ZC3H11C: variants seen among roughly 807,000 people sequenced by gnomAD.
ZC3H11C encodes zinc finger CCCH domain-containing protein 11C.
At chr6:65,306,360 C>T in the ZC3H11C span, among the ~76,000 whole-genome samples, 1 of 152,180 alleles carries the variant, frequency 6.6e-6, no homozygotes, top group Non-Finnish European at 1.5e-5. Flanking sequence ...GCAAAAATGA[C>T]TTGAAATTTA....
the ZC3H11C span, among the ~76,000 whole-genome samples, chr6:65,305,627 C>T: frequency 6.6e-6 from 1 of 152,234 alleles, no homozygotes; most frequent in South Asian, 2.1e-4. Flanking sequence ...TTTAAAGTGC[C>T]TCAGGGGTCC....
chr6:65,302,133 T>C, the ZC3H11C span, among the ~76,000 whole-genome samples: 1 of 152,264 alleles, frequency 6.6e-6, no homozygotes, highest in Non-Finnish European at 1.5e-5. Context: ...TAACTAACCC[T>C]AGCTGTCTCC....
At chr6:65,301,739 C>G in the ZC3H11C span, among the ~76,000 whole-genome samples, 1 of 152,362 alleles carries the variant, frequency 6.6e-6, no homozygotes, top group East Asian at 1.9e-4. Flanking sequence ...CTTCCGTACT[C>G]CTTGTAGGAT....
At chr6:65,306,376 C>T in the ZC3H11C span, among the ~76,000 whole-genome samples, 11 of 152,080 alleles carry the variant, frequency 7.2e-5, no homozygotes, top group African/African-American at 1.7e-4. Flanking sequence ...ATTTATGTAT[C>T]GACACACCTC....
chr6:65,302,190 G>A, the ZC3H11C span, among the ~76,000 whole-genome samples: 1 of 152,160 alleles, frequency 6.6e-6, no homozygotes. Flanking sequence ...CAGTAGTTGG[G>A]AGATGTTTTA....
the ZC3H11C span, among the ~76,000 whole-genome samples, chr6:65,301,908 G>T: frequency 1.3e-5 from 2 of 152,222 alleles, no homozygotes; most frequent in South Asian, 4.1e-4. Flanking sequence ...TTAGGATTTG[G>T]GGATATTCCC....
At chr6:65,303,640 T>TG in the ZC3H11C span, 4 of 592,930 alleles carry the variant, frequency 6.7e-6, no homozygotes, top group East Asian at 1.2e-4. Context: ...GTCAGAAACA[T>TG]GGGGAATCGC....
At chr6:65,302,048 A>AT in the ZC3H11C span, among the ~76,000 whole-genome samples, 1,530 of 152,172 alleles carry the variant, frequency 0.01, 5 homozygotes, top group African/African-American at 0.034. Flanking sequence ...TGGAAGATGG[A>AT]TTTTTTTTCA....
the ZC3H11C span, among the ~76,000 whole-genome samples, chr6:65,306,421 G>A: frequency 1.3e-5 from 2 of 152,122 alleles, no homozygotes; most frequent in Admixed American, 1.3e-4. Context: ...AATGTTGTAT[G>A]ATAGCCCTTC....
At chr6:65,306,121 G>A in the ZC3H11C span, among the ~76,000 whole-genome samples, 1 of 152,184 alleles carries the variant, frequency 6.6e-6, no homozygotes, top group East Asian at 1.9e-4. Flanking sequence ...ATAATCAGGA[G>A]GAAGAGGAAG....
the ZC3H11C span, among the ~76,000 whole-genome samples, chr6:65,306,050 T>A: frequency 1.3e-5 from 2 of 152,182 alleles, no homozygotes; most frequent in Non-Finnish European, 2.9e-5. Flanking sequence ...ACCTCAAGGT[T>A]TAGATTTGTG....
chr6:65,306,439 C>A, the ZC3H11C span, among the ~76,000 whole-genome samples: 1 of 152,082 alleles, frequency 6.6e-6, no homozygotes, highest in South Asian at 2.1e-4. Flanking sequence ...TTCTCCAAAG[C>A]AGGGGTAGAA....
At chr6:65,303,278 G>GA in the ZC3H11C span, 1 of 790,650 alleles carries the variant, frequency 1.3e-6, no homozygotes, top group Non-Finnish European at 2.1e-6. Flanking sequence ...TCCAGGTCCT[G>GA]AAAAAGAAAA....
chr6:65,306,200 C>G, the ZC3H11C span, among the ~76,000 whole-genome samples: 1 of 152,256 alleles, frequency 6.6e-6, no homozygotes, highest in Middle Eastern at 3.4e-3. Context: ...AAATCTGACC[C>G]CCACCTGTCA....
chr6:65,305,990 T>C, the ZC3H11C span, among the ~76,000 whole-genome samples: 1 of 152,132 alleles, frequency 6.6e-6, no homozygotes, highest in Non-Finnish European at 1.5e-5. Flanking sequence ...GCCAGTTTTC[T>C]TCATTTCTGA....
the ZC3H11C span, among the ~76,000 whole-genome samples, chr6:65,302,222 T>C: frequency 1.3e-5 from 2 of 152,212 alleles, no homozygotes; most frequent in Non-Finnish European, 2.9e-5. Context: ...TGTGTTTGAA[T>C]TGTGGCTGAG....
At chr6:65,301,491 C>A in the ZC3H11C span, among the ~76,000 whole-genome samples, 2 of 152,194 alleles carry the variant, frequency 1.3e-5, no homozygotes, top group Admixed American at 1.3e-4. Context: ...TGGTTTTCTG[C>A]TAGTGCTGCT....
At chr6:65,301,824 T>C in the ZC3H11C span, among the ~76,000 whole-genome samples, 1 of 152,290 alleles carries the variant, frequency 6.6e-6, no homozygotes, top group East Asian at 1.9e-4. Flanking sequence ...GCCTATACTG[T>C]TGACATCTTC....
chr6:65,305,232 G>C, the ZC3H11C span, among the ~76,000 whole-genome samples: 6 of 152,096 alleles, frequency 3.9e-5, no homozygotes, highest in Non-Finnish European at 7.3e-5. Flanking sequence ...AGACTGAGAG[G>C]GAGATCAAGT....
Sources: allele counts gnomAD v4.1 joint callset (sites outside exome capture counted in the v4.1 genomes callset), GRCh38; gene constraint gnomAD v4.1.1; transcripts MANE v1.5; gene names NCBI Gene and HGNC (gene_info 2026-07-23, HGNC 2026-07-21).